MSRA: variants seen among roughly 807,000 people sequenced by gnomAD.
The protein encoded by MSRA is methionine sulfoxide reductase A, also known as mitochondrial peptide methionine sulfoxide reductase.
Under a neutral mutation model 31.3 loss-of-function variants are expected in MSRA, and 54 were observed. The ratio of observed to expected loss-of-function variants is 1.73; its 90% CI spans 1.39 to 2.17. The LOEUF is 2.17. MSRA is among the 30% of genes most tolerant of loss of function. The pLI, the probability that MSRA is intolerant of heterozygous loss-of-function variation, is 0.00. For missense variants in MSRA, 507 were observed against 300.9 expected, an observed-to-expected ratio of 1.69 and a Z score of -5.07; for synonymous variants, 169 against 116.5, an observed-to-expected ratio of 1.45 and a Z score of -2.90.
chr8:10,316,564 CT>C (rs1801734613), intron 4 of MSRA, among the ~76,000 whole-genome samples: 5 of 107,132 alleles, frequency 4.7e-5, no homozygotes, highest in South Asian at 5.0e-4. Flanking sequence ...CTCTCTCTCT[CT>C]CTCTCTCTCC....
At chr8:10,129,534 C>A (rs1801746601) in intron 1 of MSRA, among the ~76,000 whole-genome samples, 1 of 152,030 alleles carries the variant, frequency 6.6e-6, no homozygotes, top group Middle Eastern at 3.2e-3. Context: ...AAACTGAGAG[C>A]ACCAAGCAGG....
chr8:10,064,944 A>G (rs960163862), intron 1 of MSRA, among the ~76,000 whole-genome samples: 1 of 152,158 alleles, frequency 6.6e-6, no homozygotes, highest in Non-Finnish European at 1.5e-5. Context: ...AAAAATTTTG[A>G]ATGCACTGTT....
intron 1 of MSRA, among the ~76,000 whole-genome samples, chr8:10,153,472 A>T (rs1373354526): frequency 6.6e-6 from 1 of 151,884 alleles, no homozygotes; most frequent in Non-Finnish European, 1.5e-5. Context: ...TCCTCGGAGG[A>T]GAATGCTCAC....
At chr8:10,275,522 C>G (rs1391137519) in intron 3 of MSRA, among the ~76,000 whole-genome samples, 1 of 152,164 alleles carries the variant, frequency 6.6e-6, no homozygotes, top group African/African-American at 2.4e-5. Flanking sequence ...CTTTATTGTT[C>G]ATTGGTGAAA....
At chr8:10,120,966 A>T (rs1801065143) in intron 1 of MSRA, among the ~76,000 whole-genome samples, 1 of 152,204 alleles carries the variant, frequency 6.6e-6, no homozygotes, top group Admixed American at 6.5e-5. Context: ...ATTACGTTTT[A>T]AGTGAACCAG....
chr8:10,180,663 C>T (rs889587095), intron 1 of MSRA, among the ~76,000 whole-genome samples: 5 of 152,176 alleles, frequency 3.3e-5, no homozygotes, highest in Admixed American at 1.3e-4. Flanking sequence ...GTTTTAGGAG[C>T]GCTGTACCAG....
In MSRA at chr8:10,101,927, A is replaced by G. The variant is rs147107922; in HGVS notation, c.142+47269A>G. On this transcript the variant is annotated intron_variant, in intron 1 of 5. Coordinates refer to ENST00000317173, the MANE Select transcript of MSRA (RefSeq NM_012331.5). ...CCAAAAGTGGAATTCTGGGTTGACA[A>G]TTTCTTTTTTTTCAGCGCAACTTCA... Among the ~76,000 whole-genome samples, 7 of 151,988 alleles carry G rather than the reference A, an allele frequency of 4.6e-5. No individual in the cohort carries two copies. The East Asian group carries it at 7.7e-4, about 17-fold the overall frequency.
At chr8:10,090,999 G>T (rs1219551636) in intron 1 of MSRA, among the ~76,000 whole-genome samples, 1 of 152,196 alleles carries the variant, frequency 6.6e-6, no homozygotes, top group African/African-American at 2.4e-5. Context: ...GCATTTATGT[G>T]TGCATTTTTG....
At chr8:10,205,088 T>C (rs956644654) in intron 1 of MSRA, among the ~76,000 whole-genome samples, 1 of 152,136 alleles carries the variant, frequency 6.6e-6, no homozygotes, top group Non-Finnish European at 1.5e-5. Flanking sequence ...GAGCTTTGAC[T>C]GTGGCCTGAG....
At chr8:10,120,044 C>T (rs1270014455) in intron 1 of MSRA, among the ~76,000 whole-genome samples, 4 of 152,090 alleles carry the variant, frequency 2.6e-5, no homozygotes, top group Non-Finnish European at 5.9e-5. Context: ...AGGAACTCAG[C>T]CACTGCCAAA....
chr8:10,263,125 A>G (rs961396996), intron 3 of MSRA, among the ~76,000 whole-genome samples: 9 of 152,110 alleles, frequency 5.9e-5, no homozygotes, highest in African/African-American at 2.2e-4. Flanking sequence ...AAATTATCAT[A>G]TTTTCAGTGG....
chr8:10,081,788 C>T (rs558373817), intron 1 of MSRA, among the ~76,000 whole-genome samples: 11 of 152,272 alleles, frequency 7.2e-5, no homozygotes, highest in East Asian at 1.9e-4. Context: ...TGAGCCACTA[C>T]GCCTGGCCAA....
intron 1 of MSRA, among the ~76,000 whole-genome samples, chr8:10,172,131 A>G (rs980949487): frequency 6.6e-6 from 1 of 152,220 alleles, no homozygotes; most frequent in African/African-American, 2.4e-5. Context: ...GCAGAACTAC[A>G]GATGCATGCT....
chr8:10,322,475 A>C (rs1343023475), intron 5 of MSRA, among the ~76,000 whole-genome samples: 1 of 152,174 alleles, frequency 6.6e-6, no homozygotes, highest in African/African-American at 2.4e-5. Context: ...GGTCCAGGTC[A>C]TGGCTGGTGA....
intron 4 of MSRA, among the ~76,000 whole-genome samples, chr8:10,308,675 A>G (rs906127302): frequency 1.3e-5 from 2 of 152,162 alleles, no homozygotes; most frequent in Non-Finnish European, 2.9e-5. Context: ...TCCCCAGACT[A>G]TGCCCCATCC....
Position 10,400,905 on chromosome 8 carries a change from C to T in MSRA, c.544-27243C>T, listed in dbSNP as rs1166977127. 2.0e-5 allele frequency among the ~76,000 whole-genome samples: 3 copies of T among 152,152 alleles called. No individual in the cohort carries two copies. In the East Asian group the frequency reaches 5.8e-4, roughly 29 times the overall value. ...TGGATCAAAGACCTAAATATAAGAG[C>T]TAAAACGATAAATCCGTCTCAGGAA... is the stretch of plus-strand genomic sequence containing the variant. On this transcript the variant is annotated intron_variant, in intron 5 of 5. Transcript: ENST00000317173.
At chr8:10,159,108 C>T (rs959336196) in intron 1 of MSRA, among the ~76,000 whole-genome samples, 1 of 152,176 alleles carries the variant, frequency 6.6e-6, no homozygotes, top group African/African-American at 2.4e-5. Context: ...TGGCAGCAGA[C>T]AGGCCAAGGT....
intron 1 of MSRA, among the ~76,000 whole-genome samples, chr8:10,072,901 G>A (rs1040477338): frequency 6.6e-6 from 1 of 152,062 alleles, no homozygotes; most frequent in African/African-American, 2.4e-5. Context: ...GTTTCCACCT[G>A]TTCATTGATA....
intron 3 of MSRA, among the ~76,000 whole-genome samples, chr8:10,264,003 T>TC (rs966382205): frequency 6.6e-6 from 1 of 152,224 alleles, no homozygotes; most frequent in African/African-American, 2.4e-5. Flanking sequence ...ATATTTTTTT[T>TC]CACAGGCTTC....
Sources: allele counts gnomAD v4.1 joint callset (sites outside exome capture counted in the v4.1 genomes callset), GRCh38; gene constraint gnomAD v4.1.1; transcripts MANE v1.5; gene names NCBI Gene and HGNC (gene_info 2026-07-23, HGNC 2026-07-21).